The following APBA2 variants were observed in gnomAD, a reference collection of about 807,000 sequenced individuals.
APBA2 encodes the protein amyloid beta precursor protein binding family A member 2, also known as amyloid-beta A4 precursor protein-binding family A member 2.
A neutral mutation model predicts 75.0 loss-of-function variants in APBA2; 30 were observed. The ratio of observed to expected loss-of-function variants is 0.40; its 90% confidence interval spans 0.30 to 0.54. APBA2 has a LOEUF of 0.54. APBA2 is among the 20% of genes least tolerant of loss of function. APBA2 has a pLI of 0.49. For synonymous variants in APBA2, 444 were observed against 409.6 expected, an observed-to-expected ratio of 1.08 and a Z score of -1.01; for missense variants, 801 against 1,016.1, an observed-to-expected ratio of 0.79 and a Z score of 2.88.
intron 4 of APBA2, among the ~76,000 whole-genome samples, chr15:29,062,365 C>T (rs1004292793): frequency 3.3e-5 from 5 of 152,126 alleles, no homozygotes; most frequent in East Asian, 1.9e-4. Context: ...GGGTGGACAC[C>T]GCACCTCCTG....
chr15:29,109,920 G>A (rs1319735824), intron 13 of APBA2, among the ~76,000 whole-genome samples: 1 of 151,888 alleles, frequency 6.6e-6, no homozygotes, highest in Non-Finnish European at 1.5e-5. Context: ...GTGCCAGGAC[G>A]AGTTGTCTGC....
At chr15:28,921,935 C>T (rs761876365) in intron 2 of APBA2, among the ~76,000 whole-genome samples, 186 bp downstream of exon 2, 3 of 152,194 alleles carry the variant, frequency 2.0e-5, no homozygotes, top group East Asian at 3.8e-4. Flanking sequence ...ACTTCACATA[C>T]GCTTACATTT....
chr15:28,897,836 T>C (rs2032601341), intron 1 of APBA2, among the ~76,000 whole-genome samples: 1 of 152,180 alleles, frequency 6.6e-6, no homozygotes, highest in Non-Finnish European at 1.5e-5. Context: ...TGGGCATTAG[T>C]GACCTTCAAA....
At chr15:29,059,000 T>C (rs2042021006) in intron 4 of APBA2, among the ~76,000 whole-genome samples, 1 of 152,244 alleles carries the variant, frequency 6.6e-6, no homozygotes, top group Non-Finnish European at 1.5e-5. Flanking sequence ...TGCAACTTTG[T>C]TAACTTGCTA....
At chr15:29,024,636 T>G (rs1477146407) in intron 3 of APBA2, among the ~76,000 whole-genome samples, 1 of 152,204 alleles carries the variant, frequency 6.6e-6, no homozygotes, top group African/African-American at 2.4e-5. Context: ...TTCTTGTAAA[T>G]GGGAATTTCA....
Position 29,092,583 on chromosome 15 carries a change from C to T in APBA2, c.1070-492C>T, listed in dbSNP as rs76786335. On this transcript the variant is annotated intron_variant, in intron 6 of 14. Transcript: ENST00000683413. ...CATGATGTTGCCAAGCCTGGGCCTG[C>T]GGTGTGATGGGTGTGAGGAGCTACA... is the stretch of plus-strand genomic sequence containing the variant. Among the ~76,000 whole-genome samples the T allele has an allele frequency of 5.3e-3, 802 of 152,084 alleles. 8 individuals are homozygous for T. Among genetic ancestry groups the T allele is most frequent in the African/African-American group, 0.019 (769 of 41,460 alleles).
chr15:28,909,753 C>G (rs147080895), intron 1 of APBA2, among the ~76,000 whole-genome samples: 3,437 of 152,318 alleles, frequency 0.023, 99 homozygotes, highest in South Asian at 0.076. Context: ...GCCAGCCTAT[C>G]CGGGGCTTTG....
In APBA2 at chr15:29,105,410, C is replaced by A. The variant is rs746149119; in HGVS notation, c.1556C>A (p.Ala519Asp). 13 of 1,612,620 alleles carry A rather than the reference C, an allele frequency of 8.1e-6. No homozygotes were observed. Among genetic ancestry groups the A allele is most frequent in the Non-Finnish European group, 1.1e-5 (13 of 1,180,000 alleles). Residue 519 changes from alanine (A) to aspartate (D), a missense_variant, in exon 11 of 15, where the codon GCC (alanine) becomes GAC (aspartate). This residue lies in a region of APBA2 where 367 missense variants were observed against 544.5 expected (regional missense o/e 0.67). Coordinates refer to ENST00000683413, the MANE Select transcript of APBA2 (RefSeq NM_001353788.2). Reference protein sequence around the residue: ...AQLIAQSIGQAFSVAYQEFLR... With the variant: ...AQLIAQSIGQDFSVAYQEFLR... ...CTCATCGCCCAGTCTATCGGCCAGG[C>A]CTTCAGCGTGGCCTACCAGGAGTTC...
intron 6 of APBA2, among the ~76,000 whole-genome samples, chr15:29,092,388 C>T (rs890225470): frequency 6.6e-6 from 1 of 152,148 alleles, no homozygotes; most frequent in African/African-American, 2.4e-5. Context: ...ATTAAAATTA[C>T]ATACAAGAAA....
chr15:29,094,393 G>A (rs2043743428), intron 8 of APBA2, 80 bp downstream of exon 8: 1 of 1,305,474 alleles, frequency 7.7e-7, no homozygotes, highest in Admixed American at 1.7e-5. Flanking sequence ...GGGGCTGGGG[G>A]GTTCCCCTGG....
chr15:29,114,024 G>A lies in APBA2; in HGVS notation c.2178+8G>A, dbSNP rs756710191. On this transcript the variant is annotated splice_region_variant and intron_variant, in intron 14 of 14. Transcript: ENST00000683413. The stretch of plus-strand genomic sequence containing the variant: ...TCCAACTCGGTCGGAGAGGTAAGGA[G>A]GGACTTTGAGTGTGCCTCTGCATGC... The A allele has an allele frequency of 4.5e-5, 72 of 1,613,730 alleles. 2 individuals carry two copies. The South Asian group carries it at 7.7e-4, about 17-fold the overall frequency.
intron 4 of APBA2, among the ~76,000 whole-genome samples, chr15:29,074,362 C>T (rs1194069850): frequency 6.6e-6 from 1 of 152,176 alleles, no homozygotes; most frequent in Non-Finnish European, 1.5e-5. Flanking sequence ...CCCTTCAGGA[C>T]ATTTTGCTGA....
chr15:29,108,452 C>T lies in APBA2; in HGVS notation c.2037+63C>T, dbSNP rs754999786. ...TGCAGGGCCCAGGGAGGGGGAGCAG[C>T]TCCCGTCCAATGGGGCAGGCTATGT... On this transcript the variant is annotated intron_variant, in intron 13 of 14. Transcript: ENST00000683413. 23 of 1,611,998 alleles carry T rather than the reference C, an allele frequency of 1.4e-5. No homozygotes were observed. The East Asian group carries it at 4.2e-4, about 30-fold the overall frequency.
chr15:29,019,952 C>G (rs1394399474), intron 3 of APBA2, among the ~76,000 whole-genome samples: 1 of 152,242 alleles, frequency 6.6e-6, no homozygotes, highest in African/African-American at 2.4e-5. Flanking sequence ...TCATCAGTTC[C>G]CGACATTATA....
At position 29,114,142 on chromosome 15, in the gene APBA2, C is replaced by T. The variant is rs1030069251; in HGVS notation, c.2178+126C>T. 25 of 1,401,942 alleles carry T rather than the reference C, an allele frequency of 1.8e-5. No individual in the cohort carries two copies. The African/African-American group carries it at 2.1e-4, about 12-fold the overall frequency. The allele number at this position is 1,401,942 out of a possible 1,614,324, so 86.8% of individuals were successfully genotyped here. ...AGGTCAGCCAGGCTGTGTCTCCCAT[C>T]GGGGCTGCTGTGACAAGGGTGAATG... On this transcript the variant is annotated intron_variant, in intron 14 of 14. Coordinates refer to ENST00000683413, the MANE Select transcript of APBA2 (RefSeq NM_001353788.2).
chr15:28,937,858 C>T (rs892892262), intron 2 of APBA2, among the ~76,000 whole-genome samples: 3 of 152,212 alleles, frequency 2.0e-5, no homozygotes, highest in Non-Finnish European at 2.9e-5. Context: ...GGGGTTTGAC[C>T]GTGTTAGCCA....
At chr15:28,937,949 G>T (rs1467328280) in intron 2 of APBA2, among the ~76,000 whole-genome samples, 2 of 152,092 alleles carry the variant, frequency 1.3e-5, no homozygotes, top group Non-Finnish European at 2.9e-5. Context: ...GAGCCACCGC[G>T]CCTGGCCCCC....
rs193179498 is a variant in APBA2, at chr15:28,946,548, G to C, written c.-95+24799G>C. 1.8e-4 allele frequency among the ~76,000 whole-genome samples: 27 copies of C among 152,234 alleles called. No individual in the cohort carries two copies. The East Asian group carries it at 5.2e-3, about 29-fold the overall frequency. ...CCATGACCTTAGCCCAAGGAGACCT[G>C]CGTGGGATTCCTTTCTTTTTATTTT... is the stretch of plus-strand genomic sequence containing the variant. On this transcript the variant is annotated intron_variant, in intron 2 of 14. Coordinates refer to ENST00000683413, the MANE Select transcript of APBA2 (RefSeq NM_001353788.2).
chr15:28,963,894 T>G (rs1341982734), intron 2 of APBA2, among the ~76,000 whole-genome samples: 1 of 151,274 alleles, frequency 6.6e-6, no homozygotes, highest in Admixed American at 6.6e-5. Flanking sequence ...AATGTATGTA[T>G]GTGTGTGTGT....
Sources: allele counts gnomAD v4.1 joint callset (sites outside exome capture counted in the v4.1 genomes callset), GRCh38; gene constraint gnomAD v4.1.1; regional missense constraint gnomAD v4.1.1; transcripts MANE v1.5; gene names NCBI Gene and HGNC (gene_info 2026-07-23, HGNC 2026-07-21).